Variants in MAD1L1 observed in about 807,000 individuals in gnomAD.
MAD1L1 encodes the protein mitotic arrest deficient 1 like 1, also known as mitotic spindle assembly checkpoint protein MAD1.
In MAD1L1, 95 loss-of-function variants were observed where a neutral mutation model predicts 96.9. The ratio of observed to expected loss-of-function variants is 0.98; its 90% CI spans 0.83 to 1.16. The LOEUF is 1.16. Among genes scored for constraint, MAD1L1 ranks in the 50% most tolerant of loss-of-function variants. The pLI is 0.00. For missense variants in MAD1L1, 1,007 were observed against 954.4 expected, an observed-to-expected ratio of 1.06 and a Z score of -0.73; for synonymous variants, 473 against 396.6, an observed-to-expected ratio of 1.19 and a Z score of -2.29.
At chr7:1,945,316 G>T (rs778089658) in intron 16 of MAD1L1, among the ~76,000 whole-genome samples, 2 of 152,240 alleles carry the variant, frequency 1.3e-5, no homozygotes, top group Admixed American at 1.3e-4. Context: ...GGACTATCCC[G>T]GCACAGGCTC....
At chr7:2,232,542 A>G (rs1794253716) in intron 1 of MAD1L1, among the ~76,000 whole-genome samples, 2 of 152,166 alleles carry the variant, frequency 1.3e-5, no homozygotes, top group South Asian at 4.1e-4. Flanking sequence ...AGGCAGCGGG[A>G]CCCCGGGGCT....
chr7:2,008,788 G>A (rs528335148), intron 13 of MAD1L1, among the ~76,000 whole-genome samples: 3 of 114,492 alleles, frequency 2.6e-5, no homozygotes, highest in African/African-American at 7.9e-5. Flanking sequence ...GAAGGAACAC[G>A]GCTCCATCCC....
chr7:1,858,007 C>G (rs1461891099), intron 18 of MAD1L1, among the ~76,000 whole-genome samples: 1 of 152,252 alleles, frequency 6.6e-6, no homozygotes, highest in Admixed American at 6.5e-5. Context: ...AGAGCCCGAA[C>G]TTTCCTCCCT....
At chr7:1,956,260 A>AG (rs1050812061) in intron 16 of MAD1L1, among the ~76,000 whole-genome samples, 3 of 152,078 alleles carry the variant, frequency 2.0e-5, no homozygotes, top group African/African-American at 7.2e-5. Flanking sequence ...GTGTAATCGC[A>AG]GGGGGTGTCA....
Position 2,219,464 on chromosome 7 carries a change from T to C in MAD1L1, c.472-8A>G, listed in dbSNP as rs1446956794. 8.1e-6 allele frequency: 13 copies of C among 1,612,358 alleles called. No individual in the cohort carries two copies. Among genetic ancestry groups the C allele is most frequent in the East Asian group, 2.2e-5 (1 of 44,828 alleles). On this transcript the variant is annotated splice_polypyrimidine_tract_variant and splice_region_variant and intron_variant, in intron 5 of 18. Transcript: ENST00000265854. ...CTTCAGTGCGTTGATGGTCTAAAAG[T>C]AGAGGGGACCAGAGAGCCGCTCAGT... is the stretch of plus-strand genomic sequence containing the variant.
intron 3 of MAD1L1, among the ~76,000 whole-genome samples, chr7:2,226,570 C>G (rs1159875256): frequency 6.6e-6 from 1 of 152,224 alleles, no homozygotes; most frequent in Non-Finnish European, 1.5e-5. Flanking sequence ...TGGGTACGAC[C>G]TGCTCAGCTG....
intron 11 of MAD1L1, among the ~76,000 whole-genome samples, chr7:2,126,691 C>CA (rs2128564889): frequency 6.6e-6 from 1 of 152,312 alleles, no homozygotes; most frequent in African/African-American, 2.4e-5. Flanking sequence ...TTCTGTCACT[C>CA]AGAGTTTTTA....
chr7:1,901,152 G>A (rs551650294), intron 17 of MAD1L1, among the ~76,000 whole-genome samples: 7 of 152,282 alleles, frequency 4.6e-5, no homozygotes, highest in African/African-American at 9.6e-5. Context: ...CTGCCTCGAC[G>A]GAGTCGGTTC....
At chr7:2,215,442 AC>A (rs1793216212) in intron 9 of MAD1L1, among the ~76,000 whole-genome samples, 2 of 151,666 alleles carry the variant, frequency 1.3e-5, no homozygotes, top group African/African-American at 4.8e-5. Flanking sequence ...GAAATCCAAA[AC>A]GGGTCTCCCC....
intron 11 of MAD1L1, among the ~76,000 whole-genome samples, chr7:2,104,503 C>T (rs564980636): frequency 1.3e-5 from 2 of 152,206 alleles, no homozygotes; most frequent in Non-Finnish European, 2.9e-5. Flanking sequence ...ACTCGGAACA[C>T]GCGCTCTGCC....
intron 18 of MAD1L1, among the ~76,000 whole-genome samples, chr7:1,867,969 T>G (rs1460599676): frequency 6.6e-6 from 1 of 152,248 alleles, no homozygotes; most frequent in Non-Finnish European, 1.5e-5. Flanking sequence ...CAACCGTCTC[T>G]GAGGGGCCCT....
intron 18 of MAD1L1, among the ~76,000 whole-genome samples, chr7:1,859,978 T>C (rs1784451836): frequency 6.7e-6 from 1 of 148,176 alleles, no homozygotes; most frequent in Non-Finnish European, 1.5e-5. Flanking sequence ...TCTGTCTCCC[T>C]AGACGTGACA....
chr7:2,215,183 T>C (rs927302186), intron 9 of MAD1L1, among the ~76,000 whole-genome samples: 6 of 152,018 alleles, frequency 3.9e-5, no homozygotes, highest in African/African-American at 1.4e-4. Context: ...ATCAAGACCA[T>C]CCTAGCCAAC....
At chr7:2,152,377 G>A (rs1008418731) in intron 10 of MAD1L1, among the ~76,000 whole-genome samples, 1 of 152,214 alleles carries the variant, frequency 6.6e-6, no homozygotes, top group Non-Finnish European at 1.5e-5. Context: ...GAGGGCACAG[G>A]GGCACCAGAA....
intron 18 of MAD1L1, among the ~76,000 whole-genome samples, chr7:1,842,301 G>C (rs866815542): frequency 1.3e-5 from 2 of 152,308 alleles, no homozygotes; most frequent in East Asian, 3.9e-4. Flanking sequence ...CTCCCGCTCC[G>C]TGTGGCCGCA....
At chr7:2,105,467 G>C (rs975056160) in intron 11 of MAD1L1, among the ~76,000 whole-genome samples, 1 of 152,098 alleles carries the variant, frequency 6.6e-6, no homozygotes, top group Non-Finnish European at 1.5e-5. Flanking sequence ...CACAGCCTGC[G>C]CTGGGGCAAG....
intron 18 of MAD1L1, among the ~76,000 whole-genome samples, chr7:1,855,535 C>G (rs541035405): frequency 6.6e-6 from 1 of 152,016 alleles, no homozygotes; most frequent in Non-Finnish European, 1.5e-5. Flanking sequence ...CCAGAAAACA[C>G]GGCCCGGGCC....
intron 18 of MAD1L1, 64 bp downstream of exon 18, chr7:1,898,136 G>A (rs756258881): frequency 8.0e-5 from 119 of 1,491,430 alleles, no homozygotes; most frequent in Non-Finnish European, 1.0e-4. Flanking sequence ...GGCTACGGTC[G>A]GATCTCCCCA....
chr7:2,178,431 A>G (rs1469179360), intron 10 of MAD1L1, among the ~76,000 whole-genome samples: 1 of 152,268 alleles, frequency 6.6e-6, no homozygotes, highest in African/African-American at 2.4e-5. Flanking sequence ...GGCGGTGCAC[A>G]TGCAGCCAAC....
Sources: allele counts gnomAD v4.1 joint callset (sites outside exome capture counted in the v4.1 genomes callset), GRCh38; gene constraint gnomAD v4.1.1; transcripts MANE v1.5; gene names NCBI Gene and HGNC (gene_info 2026-07-23, HGNC 2026-07-21).